The following NET1 variants were observed in gnomAD, a reference collection of about 807,000 sequenced individuals.
NET1 encodes the protein neuroepithelial cell-transforming gene 1 protein.
NET1 carries 42 observed loss-of-function variants against 61.1 expected under a neutral mutation model. The ratio of observed to expected loss-of-function variants is 0.69; its 90% CI spans 0.54 to 0.89. The LOEUF is 0.89. Among genes scored for constraint, NET1 ranks in the 40% least tolerant of loss-of-function variants. NET1 has a pLI of 0.00. For synonymous variants in NET1, 254 were observed against 281.8 expected (o/e 0.90, Z 0.99); for missense variants, 654 against 747.3 (o/e 0.88, Z 1.46).
In NET1 at chr10:5,440,351, A is replaced by G. The variant is rs991075576; in HGVS notation, c.255+11122A>G. ...ATAGGCCAGATCAGTAACCACAACC[A>G]TAACCATGTAACAAATGCTAGATGA... On this transcript the variant is annotated intron_variant, in intron 3 of 11. Transcript: ENST00000355029. This position sits in a 1 kb window ranked among gnomAD's most constrained non-coding sequence, Gnocchi z 4.1. Among the ~76,000 whole-genome samples, 2 of 152,236 alleles carry G rather than the reference A, an allele frequency of 1.3e-5. No homozygotes were observed. Among genetic ancestry groups the G allele is most frequent in the African/African-American group, 2.4e-5 (1 of 41,462 alleles).
At chr10:5,429,338 G>A (rs1832311914) in intron 3 of NET1, 109 bp downstream of exon 3, 2 of 828,332 alleles carry the variant, frequency 2.4e-6, no homozygotes, top group Non-Finnish European at 3.8e-6. Flanking sequence ...TTGTTTTTTT[G>A]TTTTTTGCAT....
In NET1 at chr10:5,431,020, C is replaced by T. The variant is rs537294121; in HGVS notation, c.255+1791C>T. Among the ~76,000 whole-genome samples the T allele has an allele frequency of 8.1e-4, 123 of 151,148 alleles. No individual in the cohort carries two copies. Among genetic ancestry groups the T allele is most frequent in the African/African-American group, 1.5e-3 (63 of 41,196 alleles). ...CCAAGTAGCTGGGATTACAGGTGCCCGCCACCACGCCCGGCTAATTTTTTG... is the reference window on the plus strand; with the variant it reads ...CCAAGTAGCTGGGATTACAGGTGCCTGCCACCACGCCCGGCTAATTTTTTG... On this transcript the variant is annotated intron_variant, in intron 3 of 11. Transcript: ENST00000355029. This position sits in a 1 kb window ranked among gnomAD's most constrained non-coding sequence, Gnocchi z 4.9.
rs145913499 is a variant in NET1 at position 5,456,955 on chromosome 10, A to G, written c.1752A>G (p.Lys584=). 518 of 1,583,868 alleles carry G rather than the reference A, an allele frequency of 3.3e-4. 1 individual carries two copies. The African/African-American group carries it at 6.0e-3, about 18-fold the overall frequency. ...CCGGCATCCGAAGAGCGAGGGACAA[A>G]GCCCTTTCTGGTGGCAAACGGAAAG... ...TQPGIRRARD[K]ALSGGKRKET... Residue 584 remains lysine, a synonymous_variant, in exon 12 of 12, where the codon AAA becomes AAG. Coordinates refer to ENST00000355029, the MANE Select transcript of NET1 (RefSeq NM_001047160.3). This position sits in a 1 kb window ranked among gnomAD's most constrained non-coding sequence, Gnocchi z 7.0.
chr10:5,456,184 CAGTCCAAGAGCT>C lies in NET1; in HGVS notation c.1301_1312del (p.Gln434_Val437del), dbSNP rs1832794766. ...TACCAGGTTTACCGGCAGCCAATCC[CAGTCCAAGAGCT>C]AGTCCTAGAAGACCTGCAGGATGGA... On this transcript the variant is annotated inframe_deletion, in exon 11 of 12. Transcript: ENST00000355029. This position sits in a 1 kb window ranked among gnomAD's most constrained non-coding sequence, Gnocchi z 7.0. The C allele has an allele frequency of 5.0e-6, 8 of 1,614,222 alleles. No individual in the cohort carries two copies. Among genetic ancestry groups the C allele is most frequent in the Non-Finnish European group, 6.8e-6 (8 of 1,180,040 alleles).
intron 3 of NET1, among the ~76,000 whole-genome samples, chr10:5,429,980 T>C (rs1454518417): frequency 6.6e-6 from 1 of 152,212 alleles, no homozygotes; most frequent in Non-Finnish European, 1.5e-5. Context: ...AAAGACAAGA[T>C]ATTTTCTAAA....
intron 2 of NET1, among the ~76,000 whole-genome samples, chr10:5,428,739 TTGA>T: frequency 6.6e-6 from 1 of 151,656 alleles, no homozygotes; most frequent in Non-Finnish European, 1.5e-5. Context: ...TTTTTTTTTT[TTGA>T]GAGGAAATCT....
At chr10:5,438,666 A>G (rs932698223) in intron 3 of NET1, among the ~76,000 whole-genome samples, 2 of 152,256 alleles carry the variant, frequency 1.3e-5, no homozygotes, top group African/African-American at 4.8e-5. Flanking sequence ...CATTTAGAAA[A>G]GAATTAACAT....
At chr10:5,413,667 C>T (rs1375297569) in intron 1 of NET1, among the ~76,000 whole-genome samples, 1 of 152,016 alleles carries the variant, frequency 6.6e-6, no homozygotes, top group Non-Finnish European at 1.5e-5. Flanking sequence ...GAGGATTAAG[C>T]TAGATGAGGA....
In NET1 at chr10:5,454,029, AG is replaced by A. The variant is rs146645294; in HGVS notation, c.769-232del. Among the ~76,000 whole-genome samples the A allele has an allele frequency of 2.2e-4, 33 of 152,318 alleles. No homozygotes were observed. In the East Asian group the frequency reaches 5.6e-3, roughly 26 times the overall value. Reference sequence around the variant, plus strand: ...ACAGACTGCCAGTGTCTGAGGTTGGAGGGGAGTAGAAGTCATGAATCTTCAC... The same window carrying A: ...ACAGACTGCCAGTGTCTGAGGTTGGAGGGAGTAGAAGTCATGAATCTTCAC... On this transcript the variant is annotated intron_variant, in intron 8 of 11. Coordinates refer to ENST00000355029, the MANE Select transcript of NET1 (RefSeq NM_001047160.3). The surrounding 1 kb of genome is among the most constrained non-coding windows in gnomAD (Gnocchi z 8.1).
At position 5,420,594 on chromosome 10, in the gene NET1, T is replaced by C. The variant is rs1226344899; in HGVS notation, c.129-6061T>C. Among the ~76,000 whole-genome samples, 1 of 152,028 alleles carries C rather than the reference T, an allele frequency of 6.6e-6. No homozygotes were observed. Among genetic ancestry groups the C allele is most frequent in the Non-Finnish European group, 1.5e-5 (1 of 67,994 alleles). ...GTAGGCAAAGGTCTTTCTTTTTTAT[T>C]TTATTTTTTTATTTATTTTTGAGAT... On this transcript the variant is annotated intron_variant, in intron 1 of 11. Transcript: ENST00000355029. The surrounding 1 kb of genome is among the most constrained non-coding windows in gnomAD (Gnocchi z 5.3).
intron 3 of NET1, among the ~76,000 whole-genome samples, chr10:5,450,062 TGTGTCA>T (rs1832680158): frequency 1.9e-5 from 2 of 107,886 alleles, no homozygotes; most frequent in Admixed American, 1.1e-4. Context: ...TGCACACGCG[TGTGTCA>T]GTCAGTCAGC....
intron 3 of NET1, among the ~76,000 whole-genome samples, chr10:5,430,549 A>G (rs1280674465): frequency 1.3e-5 from 2 of 151,240 alleles, no homozygotes; most frequent in Non-Finnish European, 3.0e-5. Flanking sequence ...TAATTTTTGT[A>G]TTTTTAGTAG....
In NET1 at chr10:5,415,432, C is replaced by T. The variant is rs1414300474; in HGVS notation, c.128+2612C>T. On this transcript the variant is annotated intron_variant, in intron 1 of 11. Coordinates refer to ENST00000355029, the MANE Select transcript of NET1 (RefSeq NM_001047160.3). The surrounding 1 kb of genome is among the most constrained non-coding windows in gnomAD (Gnocchi z 4.7). ...TGTGTGGCCATTTTTGGTGGGCCATCCTTTGCTCTTTTTTTTTTTTCTTTT... is the reference window on the plus strand; with the variant it reads ...TGTGTGGCCATTTTTGGTGGGCCATTCTTTGCTCTTTTTTTTTTTTCTTTT... Among the ~76,000 whole-genome samples the T allele has an allele frequency of 1.1e-5, 1 of 93,064 alleles. No homozygotes were observed. Among genetic ancestry groups the T allele is most frequent in the African/African-American group, 4.0e-5 (1 of 24,978 alleles). 61.1% of individuals were successfully genotyped at this position (93,064 alleles called of 152,430 possible). A position where few individuals can be genotyped will look rare whatever the true frequency, so the allele number is the denominator to read the frequency against.
Position 5,415,048 on chromosome 10 carries a change from GA to G in NET1, c.128+2229del, listed in dbSNP as rs1466223377. 3.3e-5 allele frequency among the ~76,000 whole-genome samples: 5 copies of G among 152,276 alleles called. No homozygotes were observed. The East Asian group carries it at 9.6e-4, about 29-fold the overall frequency. ...TATTCCTTTTCCAGAAAAGATGTAA[GA>G]TCATCTACAAGAATACGTAAAATAT... On this transcript the variant is annotated intron_variant, in intron 1 of 11. Coordinates refer to ENST00000355029, the MANE Select transcript of NET1 (RefSeq NM_001047160.3). This position sits in a 1 kb window ranked among gnomAD's most constrained non-coding sequence, Gnocchi z 4.7.
In NET1 at chr10:5,451,725, A is replaced by T; in HGVS notation, c.256-105A>T. 1.4e-6 allele frequency: 1 copy of T among 723,264 alleles called. No homozygotes were observed. The highest frequency in any genetic ancestry group is 2.3e-6 in the Non-Finnish European group (1 of 441,858). The allele number at this position is 723,264 out of a possible 1,614,324, so 44.8% of individuals were successfully genotyped here. A position where few individuals can be genotyped will look rare whatever the true frequency, so the allele number is the denominator to read the frequency against. The stretch of plus-strand genomic sequence containing the variant: ...TCTTACTTTCATGTTTCTGTATTTT[A>T]TAATGTACAAAAATTGTTTTGTGAG... On this transcript the variant is annotated intron_variant, in intron 3 of 11. Coordinates refer to ENST00000355029, the MANE Select transcript of NET1 (RefSeq NM_001047160.3). This position sits in a 1 kb window ranked among gnomAD's most constrained non-coding sequence, Gnocchi z 6.1.
chr10:5,416,740 C>T lies in NET1; in HGVS notation c.128+3920C>T, dbSNP rs1221282324. Among the ~76,000 whole-genome samples the T allele has an allele frequency of 3.3e-5, 5 of 152,158 alleles. No individual in the cohort carries two copies. The highest frequency in any genetic ancestry group is 6.5e-5 in the Admixed American group (1 of 15,278). On this transcript the variant is annotated intron_variant, in intron 1 of 11. Transcript: ENST00000355029. This position sits in a 1 kb window ranked among gnomAD's most constrained non-coding sequence, Gnocchi z 6.1. ...TGCACTGGAGGTGTGCTCGCTTCTT[C>T]GGTGCCCTGCTGTTCAAACCTCTAG...
chr10:5,451,261 CTTCAATATTT>C lies in NET1; in HGVS notation c.256-564_256-555del, dbSNP rs148466765. Among the ~76,000 whole-genome samples, 341 of 152,224 alleles carry C rather than the reference CTTCAATATTT, an allele frequency of 2.2e-3. 2 individuals carry two copies. The highest frequency in any genetic ancestry group is 4.0e-3 in the Non-Finnish European group (274 of 68,002). ...CTCTTTTAACTCCTCCCTGCCTTGG[CTTCAATATTT>C]TTCAGCCCATTCCAGTGTCAGACAT... On this transcript the variant is annotated intron_variant, in intron 3 of 11. Transcript: ENST00000355029. This position sits in a 1 kb window ranked among gnomAD's most constrained non-coding sequence, Gnocchi z 6.1.
rs989855855 is a variant in NET1 at position 5,447,171 on chromosome 10, A to C, written c.256-4659A>C. Among the ~76,000 whole-genome samples the C allele has an allele frequency of 1.3e-5, 2 of 152,230 alleles. No individual in the cohort carries two copies. Among genetic ancestry groups the C allele is most frequent in the African/African-American group, 4.8e-5 (2 of 41,460 alleles). ...ATAATTGTTTTTTTAACTTGAATTGATATCATCCAGTCTTAGAAACTACCT... is the reference window on the plus strand; with the variant it reads ...ATAATTGTTTTTTTAACTTGAATTGCTATCATCCAGTCTTAGAAACTACCT... On this transcript the variant is annotated intron_variant, in intron 3 of 11. Coordinates refer to ENST00000355029, the MANE Select transcript of NET1 (RefSeq NM_001047160.3). This position sits in a 1 kb window ranked among gnomAD's most constrained non-coding sequence, Gnocchi z 4.1.
chr10:5,419,227 G>A (rs1349642545), intron 1 of NET1, among the ~76,000 whole-genome samples: 1 of 152,076 alleles, frequency 6.6e-6, no homozygotes, highest in Non-Finnish European at 1.5e-5. Flanking sequence ...CATGATACGT[G>A]TTTATCCCTT....
Sources: gnomAD v4.1 joint callset for allele counts (sites outside exome capture counted in the v4.1 genomes callset) on GRCh38, gnomAD v4.1.1 for gene constraint, Gnocchi (gnomAD v3.1) non-coding constraint, MANE v1.5 for transcripts, NCBI Gene and HGNC (gene_info 2026-07-23, HGNC 2026-07-21) for gene names.